The following COL28A1 variants were observed in gnomAD, a reference collection of about 807,000 sequenced individuals.
COL28A1 encodes collagen alpha-1(XXVIII) chain.
In COL28A1, 161 loss-of-function variants were observed where a neutral mutation model predicts 150.2. The ratio of observed to expected loss-of-function variants is 1.07; its 90% CI spans 0.94 to 1.22. COL28A1 has a LOEUF of 1.22. COL28A1 is among the 50% of genes most tolerant of loss of function. The probability of loss-of-function intolerance (pLI) is 0.00; values close to 1 mark genes in which losing one functional copy is unlikely to be tolerated. For missense variants in COL28A1, 1,617 were observed against 1,388.3 expected, an observed-to-expected ratio of 1.16 and a Z score of -2.62; for synonymous variants, 552 against 469.7, an observed-to-expected ratio of 1.18 and a Z score of -2.26.
chr7:7,432,763 A>C, intron 23 of COL28A1, 63 bp from the exon 24 acceptor site: 1 of 1,274,428 alleles, frequency 7.8e-7, no homozygotes, highest in Non-Finnish European at 1.1e-6. Context: ...GGTCAAACTT[A>C]AGCATAACAC....
At chr7:7,475,993 A>G (rs1788839361) in intron 14 of COL28A1, among the ~76,000 whole-genome samples, 1 of 152,176 alleles carries the variant, frequency 6.6e-6, no homozygotes, top group Non-Finnish European at 1.5e-5. Flanking sequence ...TTTTTATCTA[A>G]TTGTTTTCCC....
chr7:7,368,079 G>T (rs778672431), intron 33 of COL28A1, among the ~76,000 whole-genome samples: 8 of 151,948 alleles, frequency 5.3e-5, no homozygotes, highest in Non-Finnish European at 1.2e-4. Flanking sequence ...TCATATCTCA[G>T]CCTCCAGTCT....
At position 7,360,331 on chromosome 7, in the gene COL28A1, C is replaced by T. The variant is rs138420783; in HGVS notation, c.3205+59G>A. ...GGCAGATCTCTCTTTCCTTTGTGCA[C>T]CAAATCTGTGCACAAGACTGTAGAA... is the stretch of plus-strand genomic sequence containing the variant. On this transcript the variant is annotated intron_variant, in intron 34 of 34. Coordinates refer to ENST00000399429, the MANE Select transcript of COL28A1 (RefSeq NM_001037763.3). The T allele has an allele frequency of 1.3e-5, 19 of 1,453,694 alleles. No individual in the cohort carries two copies. In the South Asian group the frequency reaches 2.7e-4, roughly 21 times the overall value. The allele number at this position is 1,453,694 out of a possible 1,614,324, so 90.0% of individuals were successfully genotyped here.
intron 13 of COL28A1, among the ~76,000 whole-genome samples, chr7:7,485,453 C>A (rs1297316914): frequency 6.6e-6 from 1 of 152,118 alleles, no homozygotes; most frequent in Non-Finnish European, 1.5e-5. Flanking sequence ...ACAGAGCACA[C>A]ATTTACCACT....
In COL28A1 at chr7:7,495,127, A is replaced by G. The variant is rs189238324; in HGVS notation, c.1027-4481T>C. ...ACTAGCCACATTAAGAAATAAAAAA[A>G]CAGGTAAATTATAATTAATAAATTT... On this transcript the variant is annotated intron_variant, in intron 11 of 34. Transcript: ENST00000399429. Among the ~76,000 whole-genome samples, 393 of 152,352 alleles carry G rather than the reference A, an allele frequency of 2.6e-3. 1 individual carries two copies. The highest frequency in any genetic ancestry group is 9.0e-3 in the African/African-American group (373 of 41,588).
In COL28A1 at chr7:7,477,181, C is replaced by T. The variant is rs1788963915; in HGVS notation, c.1165-1G>A. The stretch of plus-strand genomic sequence containing the variant: ...GTACTCCCTCAGGACCACGGGGACC[C>T]TGGTTAGGATAGGAGAAAATGAGGA... On this transcript the variant is annotated splice_acceptor_variant, in intron 13 of 34. Transcript: ENST00000399429. LOFTEE classifies it high-confidence loss of function. The T allele has an allele frequency of 8.4e-7, 1 of 1,188,670 alleles. No homozygotes were observed. The highest frequency in any genetic ancestry group is 1.5e-5 in the African/African-American group (1 of 67,054). The allele number at this position is 1,188,670 out of a possible 1,614,324, so 73.6% of individuals were successfully genotyped here.
intron 11 of COL28A1, among the ~76,000 whole-genome samples, chr7:7,493,741 G>C (rs1780050834): frequency 6.6e-6 from 1 of 151,828 alleles, no homozygotes; most frequent in African/African-American, 2.4e-5. Context: ...ATGCTGTCTG[G>C]GTAAAAACAA....
chr7:7,372,178 T>A (rs1465080276), intron 32 of COL28A1, among the ~76,000 whole-genome samples: 7 of 151,852 alleles, frequency 4.6e-5, no homozygotes, highest in Non-Finnish European at 8.8e-5. Flanking sequence ...GGCGGGTGGA[T>A]CATGAGGTCA....
intron 15 of COL28A1, among the ~76,000 whole-genome samples, chr7:7,471,953 A>G (rs912153052): frequency 5.9e-5 from 9 of 152,202 alleles, no homozygotes; most frequent in Non-Finnish European, 7.4e-5. Context: ...CAGAAAGAGC[A>G]TTTGACAAAA....
At chr7:7,378,851 C>A (rs1319232983) in intron 30 of COL28A1, among the ~76,000 whole-genome samples, 1 of 152,188 alleles carries the variant, frequency 6.6e-6, no homozygotes, top group African/African-American at 2.4e-5. Flanking sequence ...TGGCCATCAG[C>A]CTGTCACCGT....
At chr7:7,404,090 C>T (rs932472123) in intron 27 of COL28A1, among the ~76,000 whole-genome samples, 7 of 151,956 alleles carry the variant, frequency 4.6e-5, no homozygotes, top group South Asian at 2.1e-4. Flanking sequence ...TTTATTAGAC[C>T]GATCAGGAAA....
At chr7:7,536,216 G>T (rs1199091312), upstream of COL28A1, among the ~76,000 whole-genome samples, 2 of 152,064 alleles carry the variant, frequency 1.3e-5, no homozygotes, top group African/African-American at 4.8e-5. Context: ...AATCAAAGCT[G>T]TTTTTTTAAG....
intron 13 of COL28A1, among the ~76,000 whole-genome samples, chr7:7,484,708 G>C (rs1184467359): frequency 6.6e-6 from 1 of 152,034 alleles, no homozygotes; most frequent in Non-Finnish European, 1.5e-5. Context: ...TGTTAGTCAA[G>C]AAAACATGTT....
At chr7:7,367,707 T>C (rs754735739) in intron 33 of COL28A1, among the ~76,000 whole-genome samples, 5 of 152,016 alleles carry the variant, frequency 3.3e-5, no homozygotes, top group African/African-American at 4.8e-5. Flanking sequence ...TGGGATGTGA[T>C]ACAGAGGGAT....
chr7:7,448,618 C>T (rs1294201308), intron 18 of COL28A1, among the ~76,000 whole-genome samples: 1 of 150,898 alleles, frequency 6.6e-6, no homozygotes, highest in Non-Finnish European at 1.5e-5. Flanking sequence ...TCATTTATAA[C>T]ATTTTATTTA....
Position 7,375,506 on chromosome 7 carries a change from T to C in COL28A1, c.2323-9A>G, listed in dbSNP as rs1401974218. On this transcript the variant is annotated splice_polypyrimidine_tract_variant and intron_variant, in intron 30 of 34. Coordinates refer to ENST00000399429, the MANE Select transcript of COL28A1 (RefSeq NM_001037763.3). ...TTGATAATTTCTTCTTTCTAGGGGATAAAAAGAAAAATGTATTACTATATG... is the reference window on the plus strand; with the variant it reads ...TTGATAATTTCTTCTTTCTAGGGGACAAAAAGAAAAATGTATTACTATATG... The C allele has an allele frequency of 2.0e-6, 3 of 1,518,770 alleles. No homozygotes were observed. Among genetic ancestry groups the C allele is most frequent in the Non-Finnish European group, 1.8e-6 (2 of 1,104,228 alleles). The allele number at this position is 1,518,770 out of a possible 1,614,324, so 94.1% of individuals were successfully genotyped here. A position where few individuals can be genotyped will look rare whatever the true frequency, so the allele number is the denominator to read the frequency against.
intron 15 of COL28A1, among the ~76,000 whole-genome samples, chr7:7,457,510 A>T (rs1787262523): frequency 6.6e-6 from 1 of 152,230 alleles, no homozygotes; most frequent in Non-Finnish European, 1.5e-5. Context: ...TGAGATCCCT[A>T]AAATGAACAT....
chr7:7,431,434 G>A (rs1784965433), intron 25 of COL28A1: 1 of 439,980 alleles, frequency 2.3e-6, no homozygotes. Flanking sequence ...AACATACAGA[G>A]GGGTTGGGGT....
chr7:7,472,035 A>G (rs58115252), intron 15 of COL28A1, among the ~76,000 whole-genome samples: 48,809 of 152,048 alleles, frequency 0.32, 10,124 homozygotes, highest in African/African-American at 0.59. Flanking sequence ...GGTAATAACA[A>G]CCATCTATGA....
Sources: gnomAD v4.1 joint callset for allele counts (sites outside exome capture counted in the v4.1 genomes callset) on GRCh38, gnomAD v4.1.1 for gene constraint, MANE v1.5 for transcripts, NCBI Gene and HGNC (gene_info 2026-07-23, HGNC 2026-07-21) for gene names.